Variants in EPHB1 observed in about 807,000 individuals in gnomAD.
EPHB1 encodes the protein EPH receptor B1, also known as ephrin type-B receptor 1.
EPHB1 carries 30 observed loss-of-function variants against 94.4 expected under a neutral mutation model. The ratio of observed to expected loss-of-function variants is 0.32; its 90% CI spans 0.24 to 0.43. The LOEUF (loss-of-function observed/expected upper bound fraction) is 0.43, where lower values mean the gene tolerates loss of function less well. EPHB1 is among the 20% of genes least tolerant of loss of function. The pLI is 1.00. For missense variants in EPHB1, 1,055 were observed against 1,308.3 expected (o/e 0.81, Z 2.99); for synonymous variants, 522 against 489.1 (o/e 1.07, Z -0.89).
At chr3:135,018,719 G>A (rs533983826) in intron 3 of EPHB1, among the ~76,000 whole-genome samples, 7 of 152,234 alleles carry the variant, frequency 4.6e-5, no homozygotes, top group African/African-American at 1.7e-4. Flanking sequence ...TGTGAGCCTC[G>A]CAGGACACAA....
chr3:135,075,324 CA>C (rs2107783967), intron 3 of EPHB1, among the ~76,000 whole-genome samples: 1 of 152,230 alleles, frequency 6.6e-6, no homozygotes, highest in South Asian at 2.1e-4. Flanking sequence ...TTGTCAACTG[CA>C]GGGTTAGATT....
chr3:135,237,441 T>C (rs1175342031), intron 12 of EPHB1, among the ~76,000 whole-genome samples: 1 of 152,120 alleles, frequency 6.6e-6, no homozygotes, highest in Non-Finnish European at 1.5e-5. Flanking sequence ...GTGTGGAAGG[T>C]GTGTATGAAG....
At chr3:135,058,535 C>G (rs189886222) in intron 3 of EPHB1, among the ~76,000 whole-genome samples, 10 of 152,362 alleles carry the variant, frequency 6.6e-5, no homozygotes, top group Non-Finnish European at 1.0e-4. Flanking sequence ...TCTCTGTCCA[C>G]ATAAACCTCT....
At chr3:134,827,395 A>G (rs185087798) in intron 1 of EPHB1, among the ~76,000 whole-genome samples, 1 of 152,222 alleles carries the variant, frequency 6.6e-6, no homozygotes, top group Admixed American at 6.5e-5. Context: ...ACACATACAC[A>G]CACACTCCTT....
intron 1 of EPHB1, among the ~76,000 whole-genome samples, chr3:134,882,692 T>TTCC (rs2037758908): frequency 6.6e-6 from 1 of 151,624 alleles, no homozygotes; most frequent in African/African-American, 2.4e-5. Context: ...TTCCTTCTTC[T>TTCC]TTCCTTCTTT....
intron 3 of EPHB1, among the ~76,000 whole-genome samples, chr3:135,060,309 T>C (rs1214037380): frequency 3.9e-5 from 6 of 152,226 alleles, no homozygotes; most frequent in Non-Finnish European, 8.8e-5. Context: ...CCTTGTTCAC[T>C]TAGCATATGT....
At chr3:135,062,960 T>A (rs910218229) in intron 3 of EPHB1, among the ~76,000 whole-genome samples, 11 of 152,218 alleles carry the variant, frequency 7.2e-5, no homozygotes, top group African/African-American at 2.7e-4. Context: ...CCTCACTTTA[T>A]GTTTTTGTTT....
intron 3 of EPHB1, among the ~76,000 whole-genome samples, chr3:135,072,586 C>T (rs933094315): frequency 3.3e-5 from 5 of 152,184 alleles, no homozygotes; most frequent in African/African-American, 1.2e-4. Flanking sequence ...CACCACCAGC[C>T]TCACTCCTGC....
intron 12 of EPHB1, among the ~76,000 whole-genome samples, chr3:135,214,156 G>A (rs1294284038): frequency 6.6e-6 from 1 of 152,112 alleles, no homozygotes; most frequent in Non-Finnish European, 1.5e-5. Context: ...CCCTGCTGCT[G>A]TTTCCTTCTG....
Position 135,015,300 on chromosome 3 carries a change from G to A in EPHB1, c.805+63248G>A, listed in dbSNP as rs146619324. Reference sequence around the variant, plus strand: ...CCATTGCCCAGGCTGGAGTGCAGTGGCATGATCTCGGCTCACTGCAACCTC... The same window carrying A: ...CCATTGCCCAGGCTGGAGTGCAGTGACATGATCTCGGCTCACTGCAACCTC... On this transcript the variant is annotated intron_variant, in intron 3 of 15. Transcript: ENST00000398015. Among the ~76,000 whole-genome samples the A allele has an allele frequency of 6.8e-3, 1,029 of 152,012 alleles. 16 individuals carry two copies. The highest frequency in any genetic ancestry group is 0.024 in the African/African-American group (976 of 41,412).
chr3:135,089,685 C>T (rs561321791), intron 3 of EPHB1, among the ~76,000 whole-genome samples: 61 of 152,296 alleles, frequency 4.0e-4, no homozygotes, highest in African/African-American at 1.4e-3. Flanking sequence ...TGAGAGGGAG[C>T]AATGTCGTGT....
intron 3 of EPHB1, among the ~76,000 whole-genome samples, chr3:135,066,619 T>A (rs1454993645): frequency 6.6e-6 from 1 of 152,194 alleles, no homozygotes; most frequent in East Asian, 1.9e-4. Flanking sequence ...ATTTTTTGGA[T>A]TTCCTTGCAC....
intron 3 of EPHB1, among the ~76,000 whole-genome samples, chr3:135,058,295 A>G (rs866651846): frequency 5.9e-5 from 9 of 152,192 alleles, no homozygotes; most frequent in Non-Finnish European, 7.3e-5. Context: ...CCCATCTGCT[A>G]TGGGACATGC....
At chr3:135,230,959 C>T (rs9824616) in intron 12 of EPHB1, among the ~76,000 whole-genome samples, 3 of 152,122 alleles carry the variant, frequency 2.0e-5, no homozygotes, top group Non-Finnish European at 4.4e-5. Flanking sequence ...TTTCTTTATT[C>T]GACCCACCAT....
intron 12 of EPHB1, among the ~76,000 whole-genome samples, chr3:135,202,198 C>T (rs966474443): frequency 1.3e-5 from 2 of 152,104 alleles, no homozygotes; most frequent in African/African-American, 2.4e-5. Context: ...GCCTCCCCCT[C>T]TACATTCTGA....
intron 1 of EPHB1, among the ~76,000 whole-genome samples, chr3:134,829,347 G>A (rs2036540554): frequency 2.0e-5 from 3 of 152,000 alleles, no homozygotes; most frequent in Admixed American, 1.3e-4. Flanking sequence ...GGGGGTGGGG[G>A]TGGTTGAGTG....
intron 1 of EPHB1, among the ~76,000 whole-genome samples, chr3:134,874,451 A>G (rs911746183): frequency 6.6e-6 from 1 of 152,240 alleles, no homozygotes; most frequent in Non-Finnish European, 1.5e-5. Flanking sequence ...GCAAACCTGC[A>G]TGATGTGCAC....
At chr3:134,953,108 T>A (rs1933104845) in intron 3 of EPHB1, among the ~76,000 whole-genome samples, 1 of 152,194 alleles carries the variant, frequency 6.6e-6, no homozygotes, top group South Asian at 2.1e-4. Flanking sequence ...CAGCAACTTA[T>A]TCTCCATTGT....
At chr3:134,818,436 T>C (rs2036311391) in intron 1 of EPHB1, among the ~76,000 whole-genome samples, 1 of 152,176 alleles carries the variant, frequency 6.6e-6, no homozygotes, top group Non-Finnish European at 1.5e-5. Context: ...ATGGGTAAGT[T>C]CTTCAGTGGT....
Sources: gnomAD v4.1 joint callset for allele counts (sites outside exome capture counted in the v4.1 genomes callset) on GRCh38, gnomAD v4.1.1 for gene constraint, MANE v1.5 for transcripts, NCBI Gene and HGNC (gene_info 2026-07-23, HGNC 2026-07-21) for gene names.